Variants in PTPRJ observed in about 807,000 individuals in gnomAD.
PTPRJ encodes the protein protein tyrosine phosphatase receptor type J.
In PTPRJ, 129 loss-of-function variants were observed where a neutral mutation model predicts 141.3. The ratio of observed to expected loss-of-function variants is 0.91; its 90% CI spans 0.79 to 1.06. The LOEUF (loss-of-function observed/expected upper bound fraction) is 1.06, where lower values mean the gene tolerates loss of function less well. Among genes scored for constraint, PTPRJ ranks in the 50% least tolerant of loss-of-function variants. PTPRJ has a pLI of 0.00. For missense variants in PTPRJ, 1,601 were observed against 1,679.7 expected (o/e 0.95, Z 0.82); for synonymous variants, 610 against 640.5 (o/e 0.95, Z 0.72).
intron 1 of PTPRJ, among the ~76,000 whole-genome samples, chr11:48,039,318 A>T (rs1296990490): frequency 6.6e-6 from 1 of 151,216 alleles, no homozygotes; most frequent in Non-Finnish European, 1.5e-5. Flanking sequence ...CAGTGGCAAA[A>T]CCTGCGGCTT....
intron 7 of PTPRJ, among the ~76,000 whole-genome samples, chr11:48,129,532 G>GT (rs988336514): frequency 1.3e-5 from 2 of 152,254 alleles, no homozygotes; most frequent in African/African-American, 4.8e-5. Context: ...GGTCTTGGGG[G>GT]TTAGGACATA....
chr11:48,090,707 A>C (rs544874400), intron 1 of PTPRJ, among the ~76,000 whole-genome samples: 1 of 152,308 alleles, frequency 6.6e-6, no homozygotes, highest in African/African-American at 2.4e-5. Context: ...AATTCGCTTA[A>C]ATTCGAGAGG....
chr11:48,021,209 A>G (rs1855109922), intron 1 of PTPRJ, among the ~76,000 whole-genome samples: 3 of 151,992 alleles, frequency 2.0e-5, no homozygotes, highest in Admixed American at 6.6e-5. Context: ...CCCTGTCTCT[A>G]CTAAAAATAC....
chr11:48,100,467 C>G (rs1856123226), intron 1 of PTPRJ, among the ~76,000 whole-genome samples: 1 of 152,318 alleles, frequency 6.6e-6, no homozygotes, highest in East Asian at 1.9e-4. Context: ...ATACTTGTCA[C>G]AACAGTCTTA....
At chr11:48,136,903 C>T (rs1857114125) in intron 9 of PTPRJ, 100 bp from the exon 10 acceptor site, 1 of 1,238,438 alleles carries the variant, frequency 8.1e-7, no homozygotes, top group Middle Eastern at 2.0e-4. Flanking sequence ...TTTATTCATT[C>T]TTTCTAAAAC....
chr11:48,161,150 T>C (rs7123505), intron 22 of PTPRJ, among the ~76,000 whole-genome samples: 138,618 of 141,088 alleles, frequency 0.98, 68,151 homozygotes, highest in Middle Eastern at 1. Context: ...TGCTGCACTC[T>C]AGCCTGGGTG....
rs1346648955 is a variant in PTPRJ, at chr11:48,164,397, C to T, written c.3737C>T (p.Thr1246Met). 1.6e-5 allele frequency: 26 copies of T among 1,613,754 alleles called. No individual in the cohort carries two copies. The highest frequency in any genetic ancestry group is 4.5e-5 in the East Asian group (2 of 44,884). ...LVHCSAGVGR[T>M]GTFIAIDRLI... ...TCTCTCAGTGCTGGGGTCGGAAGGACGGGCACTTTCATTGCCATTGATCGT... is the reference window on the plus strand; with the variant it reads ...TCTCTCAGTGCTGGGGTCGGAAGGATGGGCACTTTCATTGCCATTGATCGT... Residue 1246 changes from threonine (T) to methionine (M), a missense_variant, in exon 24 of 25, where the codon ACG (threonine) becomes ATG (methionine). Thr to Met is a moderately conservative substitution (Grantham distance 81). Transcript: ENST00000418331.
chr11:48,149,111 A>G (rs1667931527), intron 15 of PTPRJ, among the ~76,000 whole-genome samples: 1 of 152,242 alleles, frequency 6.6e-6, no homozygotes, highest in Admixed American at 6.5e-5. Flanking sequence ...AGCTTTCTCA[A>G]AAACAAAGTA....
chr11:48,005,266 G>C, intron 1 of PTPRJ, among the ~76,000 whole-genome samples: 1 of 151,110 alleles, frequency 6.6e-6, no homozygotes, highest in Non-Finnish European at 1.5e-5. Flanking sequence ...AGTATATTCA[G>C]AATTGTGCAA....
chr11:48,132,303 C>T (rs565112597), intron 8 of PTPRJ: 100 of 981,192 alleles, frequency 1.0e-4, no homozygotes, highest in African/African-American at 1.4e-4. Context: ...TGAGAGGCTG[C>T]GGCAGGAGGA....
chr11:48,018,183 T>C (rs1590407317), intron 1 of PTPRJ, among the ~76,000 whole-genome samples: 1 of 152,154 alleles, frequency 6.6e-6, no homozygotes, highest in East Asian at 1.9e-4. Flanking sequence ...TTTTTTTTTT[T>C]TCCTTAATTC....
intron 1 of PTPRJ, among the ~76,000 whole-genome samples, chr11:48,000,225 C>T (rs1175680699): frequency 6.7e-6 from 1 of 150,136 alleles, no homozygotes; most frequent in African/African-American, 2.5e-5. Context: ...ATTGCAGCCT[C>T]AACTTCCTGG....
At chr11:48,081,035 G>GC (rs748339392) in intron 1 of PTPRJ, among the ~76,000 whole-genome samples, 11 of 152,218 alleles carry the variant, frequency 7.2e-5, no homozygotes, top group Admixed American at 1.3e-4. Flanking sequence ...AAACTCCTGA[G>GC]CCCTACTCCT....
At chr11:48,015,240 C>A (rs758182168) in intron 1 of PTPRJ, among the ~76,000 whole-genome samples, 1 of 151,808 alleles carries the variant, frequency 6.6e-6, no homozygotes, top group Admixed American at 6.6e-5. Context: ...TGAATCAGGC[C>A]GGGAAAGAGG....
At chr11:47,987,229 A>G (rs778897671) in intron 1 of PTPRJ, among the ~76,000 whole-genome samples, 1 of 152,174 alleles carries the variant, frequency 6.6e-6, no homozygotes, top group Non-Finnish European at 1.5e-5. Context: ...AAAATAAAAA[A>G]TAATTTATTT....
intron 1 of PTPRJ, among the ~76,000 whole-genome samples, chr11:47,986,072 T>C (rs1299458631): frequency 6.6e-6 from 1 of 152,182 alleles, no homozygotes; most frequent in Non-Finnish European, 1.5e-5. Flanking sequence ...TTGACATCCC[T>C]CTTCATCCTT....
chr11:48,138,032 A>G (rs529409141), intron 10 of PTPRJ, among the ~76,000 whole-genome samples: 1 of 152,290 alleles, frequency 6.6e-6, no homozygotes, highest in African/African-American at 2.4e-5. Context: ...TGGCACCTTT[A>G]TCACTCAGCA....
intron 2 of PTPRJ, among the ~76,000 whole-genome samples, chr11:48,110,669 T>G (rs1856415470): frequency 6.6e-6 from 1 of 152,276 alleles, no homozygotes. Flanking sequence ...GTATATTGTT[T>G]ATGTGCTGTT....
intron 1 of PTPRJ, among the ~76,000 whole-genome samples, chr11:48,084,124 G>A (rs1855634580): frequency 6.6e-6 from 1 of 152,144 alleles, no homozygotes; most frequent in Non-Finnish European, 1.5e-5. Flanking sequence ...AAATGAAGGT[G>A]CATTCCAGAG....
Sources: gnomAD v4.1 joint callset for allele counts (sites outside exome capture counted in the v4.1 genomes callset) on GRCh38, gnomAD v4.1.1 for gene constraint, MANE v1.5 for transcripts, NCBI Gene and HGNC (gene_info 2026-07-23, HGNC 2026-07-21) for gene names.